SHB: variants seen among roughly 807,000 people sequenced by gnomAD.
The protein encoded by SHB is SH2 domain-containing adapter protein B.
A neutral mutation model predicts 52.3 loss-of-function variants in SHB; 20 were observed. The observed-to-expected ratio is 0.38, with a 90% CI of 0.27 to 0.56. The LOEUF (loss-of-function observed/expected upper bound fraction) is 0.56, where lower values mean the gene tolerates loss of function less well. Ranked by LOEUF, SHB falls within the 20% of genes least tolerant of loss-of-function variation. The pLI, the probability that SHB is intolerant of heterozygous loss-of-function variation, is 0.71. For synonymous variants in SHB, 397 were observed against 316.5 expected (o/e 1.25, Z -2.70); for missense variants, 825 against 723.3 (o/e 1.14, Z -1.61).
At chr9:37,934,876 G>A (rs1832350628) in intron 5 of SHB, among the ~76,000 whole-genome samples, 1 of 152,110 alleles carries the variant, frequency 6.6e-6, no homozygotes, top group African/African-American at 2.4e-5. Context: ...ATTTGGCTTG[G>A]GTTTGACCAC....
At chr9:38,052,050 G>A (rs1380654597) in intron 1 of SHB, among the ~76,000 whole-genome samples, 2 of 152,046 alleles carry the variant, frequency 1.3e-5, no homozygotes, top group Non-Finnish European at 2.9e-5. Context: ...CTTCAACTAC[G>A]ACACCAGCAA....
At chr9:38,009,666 A>G (rs10814639) in intron 2 of SHB, among the ~76,000 whole-genome samples, 76,104 of 152,096 alleles carry the variant, frequency 0.5, 19,102 homozygotes, top group Middle Eastern at 0.55. Flanking sequence ...AAGAGGCCAC[A>G]CCAGAGGATG....
chr9:38,042,213 G>A (rs981523687), intron 1 of SHB, among the ~76,000 whole-genome samples: 15 of 152,158 alleles, frequency 9.9e-5, no homozygotes, highest in African/African-American at 3.4e-4. Flanking sequence ...ACCTACCCAC[G>A]AGTGTTGCTG....
intron 2 of SHB, 123 bp downstream of exon 2, chr9:38,015,888 A>T: frequency 2.2e-6 from 2 of 910,928 alleles, no homozygotes; most frequent in Non-Finnish European, 3.4e-6. Context: ...GCTCCCACCT[A>T]CCAACTTGAA....
At chr9:37,950,264 T>C (rs1832549846) in intron 4 of SHB, among the ~76,000 whole-genome samples, 1 of 141,030 alleles carries the variant, frequency 7.1e-6, no homozygotes, top group African/African-American at 2.7e-5. Flanking sequence ...GTGTGTTTCC[T>C]TTTTTTTTTT....
chr9:37,964,634 G>T (rs532197873), intron 3 of SHB, among the ~76,000 whole-genome samples: 1 of 152,180 alleles, frequency 6.6e-6, no homozygotes, highest in East Asian at 1.9e-4. Context: ...ACAGTTAGAC[G>T]TGAACTTGGA....
intron 1 of SHB, among the ~76,000 whole-genome samples, chr9:38,060,376 T>A (rs776702571): frequency 5.9e-5 from 9 of 152,154 alleles, no homozygotes; most frequent in African/African-American, 2.2e-4. Context: ...TGTTTCACCA[T>A]GTTGGCCAGG....
chr9:37,937,214 G>A (rs1210608420), intron 5 of SHB, among the ~76,000 whole-genome samples: 1 of 152,192 alleles, frequency 6.6e-6, no homozygotes, highest in Non-Finnish European at 1.5e-5. Context: ...GGCACGATAA[G>A]AGCTCAGTGG....
intron 1 of SHB, among the ~76,000 whole-genome samples, chr9:38,060,189 T>A (rs955531189): frequency 3.9e-5 from 6 of 152,234 alleles, no homozygotes; most frequent in South Asian, 4.2e-4. Flanking sequence ...TATTATTATT[T>A]TTTGAGATAG....
At chr9:37,978,351 A>C (rs1334271293) in intron 2 of SHB, among the ~76,000 whole-genome samples, 1 of 152,216 alleles carries the variant, frequency 6.6e-6, no homozygotes, top group Non-Finnish European at 1.5e-5. Context: ...TTATAACGGT[A>C]ATCATTAAAA....
At chr9:38,042,988 C>T (rs947403255) in intron 1 of SHB, among the ~76,000 whole-genome samples, 1 of 152,170 alleles carries the variant, frequency 6.6e-6, no homozygotes, top group Admixed American at 6.5e-5. Flanking sequence ...CCACTCTGAG[C>T]TCCAGTCCTC....
intron 2 of SHB, among the ~76,000 whole-genome samples, chr9:37,997,456 G>A (rs139548249): frequency 1.5e-3 from 230 of 152,282 alleles, no homozygotes; most frequent in African/African-American, 5.5e-3. Context: ...AGCCTTTCCT[G>A]CCTCCTTTTC....
chr9:38,013,682 T>C lies in SHB; in HGVS notation c.838+2329A>G, dbSNP rs1005916817. Among the ~76,000 whole-genome samples the C allele has an allele frequency of 3.3e-5, 5 of 152,288 alleles. No homozygotes were observed. In the South Asian group the frequency reaches 1.0e-3, roughly 32 times the overall value. ...CTTTGAGGTCTTCAGCAGCACCCAGTAGGGAACTCCGGCTCCATTCCTAAG... is the reference window on the plus strand; with the variant it reads ...CTTTGAGGTCTTCAGCAGCACCCAGCAGGGAACTCCGGCTCCATTCCTAAG... On this transcript the variant is annotated intron_variant, in intron 2 of 5. Transcript: ENST00000377707.
At chr9:37,925,853 A>C (rs2118462959) in intron 5 of SHB, among the ~76,000 whole-genome samples, 1 of 152,320 alleles carries the variant, frequency 6.6e-6, no homozygotes, top group Middle Eastern at 3.4e-3. Flanking sequence ...TTGTGCATTT[A>C]AAGTGCACTC....
At chr9:38,029,337 G>A (rs2118109948) in intron 1 of SHB, among the ~76,000 whole-genome samples, 1 of 152,294 alleles carries the variant, frequency 6.6e-6, no homozygotes, top group African/African-American at 2.4e-5. Context: ...GTATAGACAA[G>A]CAAGGTTTTA....
Position 38,068,334 on chromosome 9 carries a change from G to A in SHB, c.312C>T (p.Arg104=). Residue 104 remains arginine, a synonymous_variant, in exon 1 of 6, where the codon CGC becomes CGT. Coordinates refer to ENST00000377707, the MANE Select transcript of SHB (RefSeq NM_003028.3). The stretch of plus-strand genomic sequence containing the variant: ...CCAGGCGGCACATGGCGCGCAGTTT[G>A]CGCAGCGACGAGCCAGGCCCGTTGT... ...DPYNGPGSSL[R]KLRAMCRLDY... The A allele has an allele frequency of 6.5e-7, 1 of 1,545,136 alleles. No individual in the cohort carries two copies. The highest frequency in any genetic ancestry group is 8.7e-7 in the Non-Finnish European group (1 of 1,150,950).
At chr9:38,046,995 G>A (rs1157767396) in intron 1 of SHB, among the ~76,000 whole-genome samples, 1 of 152,214 alleles carries the variant, frequency 6.6e-6, no homozygotes, top group Non-Finnish European at 1.5e-5. Context: ...GCCCAGGGAG[G>A]GGAGGGGCCT....
At chr9:38,037,965 C>G (rs1187942052) in intron 1 of SHB, among the ~76,000 whole-genome samples, 1 of 152,186 alleles carries the variant, frequency 6.6e-6, no homozygotes, top group Non-Finnish European at 1.5e-5. Flanking sequence ...TTTTTAAAAT[C>G]TGGCTCTCTT....
intron 1 of SHB, among the ~76,000 whole-genome samples, chr9:38,054,641 C>G (rs987082305): frequency 6.6e-6 from 1 of 152,208 alleles, no homozygotes; most frequent in Non-Finnish European, 1.5e-5. Context: ...TTATAGCCTG[C>G]AGCTTCTCTC....
Sources: allele counts gnomAD v4.1 joint callset (sites outside exome capture counted in the v4.1 genomes callset), GRCh38; gene constraint gnomAD v4.1.1; transcripts MANE v1.5; gene names NCBI Gene and HGNC (gene_info 2026-07-23, HGNC 2026-07-21).